PPP2R5E: variants seen among roughly 807,000 people sequenced by gnomAD.
PPP2R5E encodes the protein protein phosphatase 2 regulatory subunit B'epsilon, also known as serine/threonine-protein phosphatase 2A 56 kDa regulatory subunit epsilon isoform.
PPP2R5E carries 4 observed loss-of-function variants against 65.3 expected under a neutral mutation model. The observed-to-expected ratio is 0.06, with a 90% CI of 0.03 to 0.14. The LOEUF is 0.14. PPP2R5E is among the 10% of genes least tolerant of loss of function. The probability of loss-of-function intolerance (pLI) is 1.00; values close to 1 mark genes in which losing one functional copy is unlikely to be tolerated. For missense variants in PPP2R5E, 274 were observed against 556.1 expected, an observed-to-expected ratio of 0.49 and a Z score of 5.10; for synonymous variants, 183 against 187.4, an observed-to-expected ratio of 0.98 and a Z score of 0.19.
chr14:63,461,111 C>T (rs935811250), intron 2 of PPP2R5E, among the ~76,000 whole-genome samples: 1 of 152,194 alleles, frequency 6.6e-6, no homozygotes, highest in African/African-American at 2.4e-5. Flanking sequence ...AGGACAGATG[C>T]CACCAAAGGT....
intron 5 of PPP2R5E, among the ~76,000 whole-genome samples, chr14:63,402,478 CAGAGG>C (rs1169248601): frequency 3.3e-5 from 5 of 152,120 alleles, no homozygotes; most frequent in Non-Finnish European, 5.9e-5. Flanking sequence ...ATAAGGAACT[CAGAGG>C]AAACAGGCAC....
At chr14:63,432,039 CAAAA>C (rs5809200) in intron 3 of PPP2R5E, among the ~76,000 whole-genome samples, 1 of 116,212 alleles carries the variant, frequency 8.6e-6, no homozygotes, top group African/African-American at 2.7e-5. Context: ...AAGGGAATAT[CAAAA>C]AAAAAAAAAA....
In PPP2R5E at chr14:63,393,853, G is replaced by A; in HGVS notation, c.816C>T (p.His272=). The A allele has an allele frequency of 1.2e-6, 2 of 1,609,198 alleles. No individual in the cohort carries two copies. The highest frequency in any genetic ancestry group is 1.7e-6 in the Non-Finnish European group (2 of 1,175,698). The change falls in exon 8 of 14, where the codon CAC becomes CAT. Residue 272 remains histidine (H), a synonymous_variant. Transcript: ENST00000337537. ...QFLVKVLIPL[H]TVRSLSLFHA... ...GGAAGAGTGATAAGCTCCTGACAGT[G>A]TGTAAAGGGATCAATACTTTCACCA...
intron 2 of PPP2R5E, among the ~76,000 whole-genome samples, chr14:63,461,092 A>G (rs2139509295): frequency 6.6e-6 from 1 of 152,278 alleles, no homozygotes; most frequent in Non-Finnish European, 1.5e-5. Flanking sequence ...CTGCCACCAA[A>G]CTCACCACAG....
At chr14:63,472,755 G>C (rs773966746) in intron 2 of PPP2R5E, among the ~76,000 whole-genome samples, 2 of 152,218 alleles carry the variant, frequency 1.3e-5, no homozygotes, top group African/African-American at 2.4e-5. Flanking sequence ...TGCATGTCTA[G>C]GGCATGGAAG....
intron 5 of PPP2R5E, among the ~76,000 whole-genome samples, chr14:63,397,712 A>G (rs560592693): frequency 2.2e-4 from 33 of 151,264 alleles, no homozygotes; most frequent in African/African-American, 8.0e-4. Context: ...GTTGTATGTT[A>G]TATGTGAATA....
At chr14:63,499,272 A>G (rs191405955) in intron 2 of PPP2R5E, among the ~76,000 whole-genome samples, 1 of 152,354 alleles carries the variant, frequency 6.6e-6, no homozygotes, top group East Asian at 1.9e-4. Context: ...AGAGAAAAAT[A>G]TATATGACAG....
intron 10 of PPP2R5E, 103 bp downstream of exon 10, chr14:63,391,699 AGGCATGAGCCACTGC>A (rs1348351625): frequency 1.8e-6 from 2 of 1,098,992 alleles, no homozygotes; most frequent in Non-Finnish European, 2.7e-6. Context: ...CTGGGATTAC[AGGCATGAGCCACTGC>A]GCCCAGCCCT....
At chr14:63,514,471 ATAC>A (rs1892585548) in intron 2 of PPP2R5E, among the ~76,000 whole-genome samples, 2 of 136,638 alleles carry the variant, frequency 1.5e-5, no homozygotes, top group South Asian at 4.5e-4. Flanking sequence ...TATGTTTATT[ATAC>A]TACATTACAC....
In PPP2R5E at chr14:63,384,460, T is replaced by C. The variant is rs750917234; in HGVS notation, c.1186A>G (p.Lys396Glu). Reference protein sequence around the residue: ...IMFSSLYRISKEHWNPAIVAL... With the variant: ...IMFSSLYRISEEHWNPAIVAL... ...AAAACCTACGGATTCCAATGTTCTT[T>C]TGAAATCCTATAAAGGCTGGAAAAC... The change falls in exon 12 of 14, where the codon AAA (lysine) becomes GAA (glutamate). Residue 396 changes from lysine (K) to glutamate (E), a missense_variant. Around this residue, in one of 6 missense-constraint regions of PPP2R5E, gnomAD observed 129 missense variants for 254.9 expected, o/e 0.51. Transcript: ENST00000337537. The C allele has an allele frequency of 6.2e-7, 1 of 1,613,436 alleles. No individual in the cohort carries two copies. Among genetic ancestry groups the C allele is most frequent in the Admixed American group, 1.7e-5 (1 of 60,002 alleles).
At chr14:63,519,532 T>C (rs1269370654) in intron 2 of PPP2R5E, among the ~76,000 whole-genome samples, 1 of 149,978 alleles carries the variant, frequency 6.7e-6, no homozygotes, top group Non-Finnish European at 1.5e-5. Flanking sequence ...TTTTGTATTT[T>C]TAGTGGAGAC....
chr14:63,475,784 G>A (rs1038583464), intron 2 of PPP2R5E, among the ~76,000 whole-genome samples: 9 of 134,778 alleles, frequency 6.7e-5, no homozygotes, highest in African/African-American at 2.9e-4. Flanking sequence ...ACATAAGATA[G>A]TTTTTTTAAA....
At chr14:63,390,295 G>GAC (rs59239063) in intron 10 of PPP2R5E, among the ~76,000 whole-genome samples, 10,368 of 140,038 alleles carry the variant, frequency 0.074, 378 homozygotes, top group East Asian at 0.13. Context: ...ACGCATTCTC[G>GAC]ACACACACAC....
At chr14:63,443,063 A>T (rs1173834778) in intron 3 of PPP2R5E, among the ~76,000 whole-genome samples, 1 of 152,226 alleles carries the variant, frequency 6.6e-6, no homozygotes, top group East Asian at 1.9e-4. Flanking sequence ...ATATTATTGT[A>T]TTAAGAGGCT....
intron 5 of PPP2R5E, among the ~76,000 whole-genome samples, chr14:63,399,366 C>CTTTTTTTTTTTTTTTTTTTT (rs397814218): frequency 4.1e-5 from 2 of 48,518 alleles, no homozygotes; most frequent in African/African-American, 8.3e-5. Context: ...GGATTTCTTT[C>CTTTTTTTTTTTTTTTTTTTT]TTTTTTTTTT....
At chr14:63,405,455 T>C (rs1247415137) in intron 5 of PPP2R5E, among the ~76,000 whole-genome samples, 2 of 152,214 alleles carry the variant, frequency 1.3e-5, no homozygotes, top group Non-Finnish European at 2.9e-5. Flanking sequence ...GGCTGAATGA[T>C]TTGCATGATC....
intron 13 of PPP2R5E, among the ~76,000 whole-genome samples, chr14:63,380,164 C>A (rs1003216997): frequency 6.6e-6 from 1 of 151,870 alleles, no homozygotes; most frequent in Non-Finnish European, 1.5e-5. Context: ...TGAGATTCTA[C>A]GGATTTAATC....
At position 63,501,246 on chromosome 14, in the gene PPP2R5E, C is replaced by CA. The variant is rs1005236803; in HGVS notation, c.157+38282dup. Among the ~76,000 whole-genome samples, 10 of 150,504 alleles carry CA rather than the reference C, an allele frequency of 6.6e-5. No individual in the cohort carries two copies. The South Asian group carries it at 1.0e-3, about 16-fold the overall frequency. On this transcript the variant is annotated intron_variant, in intron 2 of 13. Coordinates refer to ENST00000337537, the MANE Select transcript of PPP2R5E (RefSeq NM_006246.5). ...AACTCCATCTCTACTAAAAGAAATA[C>CA]AAAAAAAAATTAGCCGGGCGTGGTG...
rs892966635 is a variant in PPP2R5E at position 63,467,086 on chromosome 14, C to T, written c.158-13201G>A. On this transcript the variant is annotated intron_variant, in intron 2 of 13. Transcript: ENST00000337537. ...CTAAAAATACAAAAAATTAGCCGGG[C>T]GTGGTGGCAGGCGCCTGTAGTCCCA... Among the ~76,000 whole-genome samples, 13 of 151,762 alleles carry T rather than the reference C, an allele frequency of 8.6e-5. 1 individual carries two copies. The highest frequency in any genetic ancestry group is 6.8e-3 in the Middle Eastern group (2 of 292).
Sources: gnomAD v4.1 joint callset for allele counts (sites outside exome capture counted in the v4.1 genomes callset) on GRCh38, gnomAD v4.1.1 for gene constraint, gnomAD v4.1.1 regional missense constraint, MANE v1.5 for transcripts, NCBI Gene and HGNC (gene_info 2026-07-23, HGNC 2026-07-21) for gene names.